Variants in CSNK1G3 observed in about 807,000 individuals in gnomAD.
CSNK1G3 encodes casein kinase I isoform gamma-3.
A neutral mutation model predicts 64.3 loss-of-function variants in CSNK1G3; 23 were observed. The ratio of observed to expected loss-of-function variants is 0.36; its 90% CI spans 0.26 to 0.51. CSNK1G3 has a LOEUF of 0.51. CSNK1G3 is among the 20% of genes least tolerant of loss of function. The pLI is 0.96. For missense variants in CSNK1G3, 357 were observed against 510.5 expected, an observed-to-expected ratio of 0.70 and a Z score of 2.90; for synonymous variants, 158 against 162.2, an observed-to-expected ratio of 0.97 and a Z score of 0.20.
chr5:123,530,000 A>G (rs1313255648), intron 1 of CSNK1G3, among the ~76,000 whole-genome samples: 1 of 151,726 alleles, frequency 6.6e-6, no homozygotes, highest in Admixed American at 6.6e-5. Flanking sequence ...AGCCTCGTGT[A>G]GTGGCATGCA....
At chr5:123,521,112 T>C (rs956155432) in intron 1 of CSNK1G3, among the ~76,000 whole-genome samples, 1 of 152,054 alleles carries the variant, frequency 6.6e-6, no homozygotes, top group Non-Finnish European at 1.5e-5. Flanking sequence ...GTTTTGGAGA[T>C]GAAACTAGTA....
chr5:123,512,846 G>A lies in CSNK1G3; in HGVS notation c.-248+276G>A, dbSNP rs529133237. Reference sequence around the variant, plus strand: ...GGGCCGCGGGTGGCGGGTCGGGCTGGGTGCAAAAGTTGCCGGAGTGGTGCG... The same window carrying A: ...GGGCCGCGGGTGGCGGGTCGGGCTGAGTGCAAAAGTTGCCGGAGTGGTGCG... On this transcript the variant is annotated intron_variant, in intron 1 of 12. Coordinates refer to ENST00000345990, the Ensembl canonical transcript of CSNK1G3. Among the ~76,000 whole-genome samples the A allele has an allele frequency of 1.5e-3, 229 of 152,122 alleles. 1 individual carries two copies. Among genetic ancestry groups the A allele is most frequent in the African/African-American group, 5.2e-3 (217 of 41,516 alleles).
At chr5:123,523,274 A>G (rs894037405) in intron 1 of CSNK1G3, among the ~76,000 whole-genome samples, 1 of 152,188 alleles carries the variant, frequency 6.6e-6, no homozygotes, top group Non-Finnish European at 1.5e-5. Context: ...TTTATATTGC[A>G]TATAGTCTGG....
chr5:123,571,930 A>T (rs1328112376), intron 4 of CSNK1G3, among the ~76,000 whole-genome samples: 1 of 152,252 alleles, frequency 6.6e-6, no homozygotes, highest in Non-Finnish European at 1.5e-5. Flanking sequence ...CAATGGGAAT[A>T]TATGTGAGTA....
intron 1 of CSNK1G3, among the ~76,000 whole-genome samples, chr5:123,541,119 A>G (rs1781604678): frequency 6.6e-6 from 1 of 152,164 alleles, no homozygotes; most frequent in Admixed American, 6.5e-5. Context: ...ATACATACTG[A>G]TATTTTGTCT....
At chr5:123,515,919 A>C (rs1037382283) in intron 1 of CSNK1G3, among the ~76,000 whole-genome samples, 1 of 152,166 alleles carries the variant, frequency 6.6e-6, no homozygotes, top group African/African-American at 2.4e-5. Context: ...CATTTTTGAG[A>C]GCAGGAAACA....
At chr5:123,556,794 T>G (rs993351070) in intron 3 of CSNK1G3, among the ~76,000 whole-genome samples, 3 of 147,810 alleles carry the variant, frequency 2.0e-5, no homozygotes, top group East Asian at 1.9e-4. Context: ...GTGTGTGTGG[T>G]GTGTGTATAT....
rs148505643 is a variant in CSNK1G3, at chr5:123,588,655, C to T, written c.844+144C>T. 1.2e-3 allele frequency: 752 copies of T among 625,678 alleles called. 5 individuals carry two copies. In the East Asian group the frequency reaches 0.018, roughly 15 times the overall value. The allele number at this position is 625,678 out of a possible 1,614,324, so 38.8% of individuals were successfully genotyped here. On this transcript the variant is annotated intron_variant, in intron 8 of 12. Transcript: ENST00000345990. ...TTTAAAGGTTGTCAGCATTTGATGC[C>T]GAACCCACAGGGACACTTTGTGTAT...
At chr5:123,518,289 G>T (rs1777528185) in intron 1 of CSNK1G3, among the ~76,000 whole-genome samples, 1 of 152,224 alleles carries the variant, frequency 6.6e-6, no homozygotes, top group South Asian at 2.1e-4. Flanking sequence ...AGTCCAGGTT[G>T]GAGAAGGAGT....
intron 7 of CSNK1G3, 102 bp from the exon 8 acceptor site, chr5:123,588,325 C>A: frequency 9.0e-7 from 1 of 1,115,860 alleles, no homozygotes; most frequent in Non-Finnish European, 1.4e-6. Context: ...ATTCCTTCTG[C>A]CTTGGCCTTC....
At chr5:123,562,771 G>A (rs1191239638) in intron 4 of CSNK1G3, among the ~76,000 whole-genome samples, 4 of 151,856 alleles carry the variant, frequency 2.6e-5, no homozygotes, top group Admixed American at 2.6e-4. Context: ...TTAATTAATG[G>A]AAGTGGTAAC....
chr5:123,596,691 A>G (rs1176658506), intron 10 of CSNK1G3, among the ~76,000 whole-genome samples: 1 of 152,122 alleles, frequency 6.6e-6, no homozygotes, highest in African/African-American at 2.4e-5. Context: ...CATTATTTCT[A>G]AGAGTTTTCA....
At chr5:123,544,566 CACTCAATTTGTTCAAACAAAA>C (rs1377885366) in intron 1 of CSNK1G3, among the ~76,000 whole-genome samples, 2 of 152,098 alleles carry the variant, frequency 1.3e-5, no homozygotes, top group Non-Finnish European at 2.9e-5. Flanking sequence ...AATGATAGCC[CACTCAATTTGTTCAAACAAAA>C]GTAGGGAAAT....
At chr5:123,516,729 C>T (rs1015162844) in intron 1 of CSNK1G3, among the ~76,000 whole-genome samples, 4 of 152,026 alleles carry the variant, frequency 2.6e-5, no homozygotes, top group African/African-American at 7.3e-5. Flanking sequence ...AAGTTATGTC[C>T]ACATGGCTAA....
intron 12 of CSNK1G3, among the ~76,000 whole-genome samples, chr5:123,607,508 CAT>C (rs1315881095): frequency 6.6e-6 from 1 of 152,076 alleles, no homozygotes; most frequent in Non-Finnish European, 1.5e-5. Flanking sequence ...CAAAAGGCCA[CAT>C]GTTATGTGAT....
At chr5:123,535,678 C>CT (rs1780671451) in intron 1 of CSNK1G3, among the ~76,000 whole-genome samples, 1 of 152,096 alleles carries the variant, frequency 6.6e-6, no homozygotes. Context: ...TCATCTACAT[C>CT]TTTTATTATT....
chr5:123,590,980 T>A (rs1792235827), intron 9 of CSNK1G3, among the ~76,000 whole-genome samples: 1 of 152,048 alleles, frequency 6.6e-6, no homozygotes, highest in Non-Finnish European at 1.5e-5. Flanking sequence ...TATGTATACA[T>A]TTGCTTTGGA....
At chr5:123,573,353 A>C in intron 4 of CSNK1G3, 40 bp from the exon 5 acceptor site, 1 of 1,592,654 alleles carries the variant, frequency 6.3e-7, no homozygotes, top group Non-Finnish European at 8.6e-7. Flanking sequence ...TTAGTATTTA[A>C]GATGATGAAA....
chr5:123,564,007 T>C (rs1009629618), intron 4 of CSNK1G3, among the ~76,000 whole-genome samples: 1 of 152,082 alleles, frequency 6.6e-6, no homozygotes, highest in African/African-American at 2.4e-5. Context: ...AGAAGAAGTT[T>C]TTAAAAATAT....
Sources: allele counts gnomAD v4.1 joint callset (sites outside exome capture counted in the v4.1 genomes callset), GRCh38; gene constraint gnomAD v4.1.1; transcripts MANE v1.5; gene names NCBI Gene and HGNC (gene_info 2026-07-23, HGNC 2026-07-21).